Variants in RIPOR2 observed in about 807,000 individuals in gnomAD.
RIPOR2 encodes the protein RHO family interacting cell polarization regulator 2, also known as rho family-interacting cell polarization regulator 2.
A neutral mutation model predicts 114.5 loss-of-function variants in RIPOR2; 39 were observed. The observed-to-expected ratio is 0.34, with a 90% confidence interval of 0.26 to 0.44. RIPOR2 has a LOEUF of 0.44. RIPOR2 is among the 20% of genes least tolerant of loss of function. The pLI is 1.00. For synonymous variants in RIPOR2, 445 were observed against 484.4 expected, an observed-to-expected ratio of 0.92 and a Z score of 1.07; for missense variants, 1,007 against 1,255.1, an observed-to-expected ratio of 0.80 and a Z score of 2.99.
intron 1 of RIPOR2, among the ~76,000 whole-genome samples, chr6:24,913,673 C>T (rs1769844179): frequency 6.6e-6 from 1 of 152,216 alleles, no homozygotes; most frequent in Non-Finnish European, 1.5e-5. Flanking sequence ...CCTCTCCAAT[C>T]ACTGCTCCTG....
rs149302062 is a variant in RIPOR2, at chr6:24,991,282, C to T, written c.76+50569G>A. On this transcript the variant is annotated intron_variant, in intron 1 of 13. Coordinates refer to the RIPOR2 transcript ENST00000510784. ...GATTCAGATAATATTATTCTTTCAC[C>T]CTACTTGCTTTCTATCTTACATTAC... is the stretch of plus-strand genomic sequence containing the variant. Among the ~76,000 whole-genome samples the T allele has an allele frequency of 5.6e-3, 851 of 152,234 alleles. 4 individuals carry two copies. Among genetic ancestry groups the T allele is most frequent in the African/African-American group, 0.017 (722 of 41,530 alleles).
At chr6:24,976,912 G>A (rs1251941188) in intron 1 of RIPOR2, 2 of 1,600,550 alleles carry the variant, frequency 1.2e-6, no homozygotes, top group African/African-American at 1.3e-5. Flanking sequence ...AGGCCATGGA[G>A]CGCTTTGGGT....
At chr6:24,826,325 G>GTA (rs1225453134) in intron 18 of RIPOR2, among the ~76,000 whole-genome samples, 3 of 152,034 alleles carry the variant, frequency 2.0e-5, no homozygotes, top group Non-Finnish European at 4.4e-5. Context: ...TGAATAAAGA[G>GTA]TATACTCTAC....
intron 1 of RIPOR2, chr6:24,976,333 C>A: frequency 1.1e-6 from 1 of 906,188 alleles, no homozygotes; most frequent in Non-Finnish European, 1.7e-6. Flanking sequence ...TTAAAAATGA[C>A]TAAATTATTC....
intron 19 of RIPOR2, among the ~76,000 whole-genome samples, chr6:24,822,936 G>T (rs774827205): frequency 1.3e-5 from 2 of 152,184 alleles, no homozygotes; most frequent in Non-Finnish European, 2.9e-5. Flanking sequence ...CAAACAGAAG[G>T]CACATTATAA....
intron 15 of RIPOR2, among the ~76,000 whole-genome samples, chr6:24,833,805 AG>A (rs1470453410): frequency 2.0e-5 from 3 of 152,192 alleles, no homozygotes. Context: ...CCCCACAGAA[AG>A]GATGAATTGT....
intron 1 of RIPOR2, among the ~76,000 whole-genome samples, chr6:24,974,908 A>G (rs1581898884): frequency 6.6e-6 from 1 of 152,260 alleles, no homozygotes; most frequent in Non-Finnish European, 1.5e-5. Flanking sequence ...TACATATTGT[A>G]TGAGTTTATG....
chr6:24,883,112 G>A lies in RIPOR2; in HGVS notation c.62-7295C>T, dbSNP rs1381635014. Among the ~76,000 whole-genome samples the A allele has an allele frequency of 6.6e-6, 1 of 152,176 alleles. No individual in the cohort carries two copies. The highest frequency in any genetic ancestry group is 1.5e-5 in the Non-Finnish European group (1 of 68,020). ...ATGCTACTGTCTTAACCCTTATGGTGTTTTCCTTTTTTAAAAATTTAACCA... is the reference window on the plus strand; with the variant it reads ...ATGCTACTGTCTTAACCCTTATGGTATTTTCCTTTTTTAAAAATTTAACCA... On this transcript the variant is annotated intron_variant, in intron 1 of 21. Transcript: ENST00000643898. The surrounding 1 kb of genome is among the most constrained non-coding windows in gnomAD (Gnocchi z 4.1).
At chr6:24,809,855 A>G in intron 20 of RIPOR2, 48 bp from the exon 21 acceptor site, 1 of 1,219,240 alleles carries the variant, frequency 8.2e-7, no homozygotes, top group East Asian at 2.5e-5. Flanking sequence ...TTAGGTCTAG[A>G]GTACCACGAG....
intron 1 of RIPOR2, among the ~76,000 whole-genome samples, chr6:24,903,548 T>A (rs1768678307): frequency 2.0e-5 from 3 of 152,126 alleles, no homozygotes; most frequent in African/African-American, 7.2e-5. Context: ...TTACATAAAA[T>A]CTCTCCTTAA....
chr6:24,950,216 A>G (rs1358522025), intron 1 of RIPOR2, among the ~76,000 whole-genome samples: 1 of 152,214 alleles, frequency 6.6e-6, no homozygotes, highest in Non-Finnish European at 1.5e-5. Context: ...CAAAAGTAAT[A>G]TGGTATTGCT....
intron 1 of RIPOR2, among the ~76,000 whole-genome samples, chr6:24,962,564 T>C (rs1269120019): frequency 6.6e-6 from 1 of 152,206 alleles, no homozygotes; most frequent in African/African-American, 2.4e-5. Context: ...ATGCCATGGA[T>C]ATATCATCTT....
chr6:24,819,922 T>G (rs1759527138), intron 19 of RIPOR2, among the ~76,000 whole-genome samples: 1 of 152,184 alleles, frequency 6.6e-6, no homozygotes, highest in Non-Finnish European at 1.5e-5. Flanking sequence ...GAAACTTAAT[T>G]ACTCTTGAAG....
chr6:24,974,411 T>A (rs1238979690), intron 1 of RIPOR2, among the ~76,000 whole-genome samples: 1 of 141,230 alleles, frequency 7.1e-6, no homozygotes, highest in African/African-American at 3.0e-5. Flanking sequence ...CAATTGAAAT[T>A]ATAAAATATG....
At chr6:24,992,793 T>C (rs1223023512) in intron 1 of RIPOR2, among the ~76,000 whole-genome samples, 1 of 152,210 alleles carries the variant, frequency 6.6e-6, no homozygotes, top group Non-Finnish European at 1.5e-5. Flanking sequence ...GCTGGAGGCA[T>C]CACATTACTA....
chr6:25,024,472 C>T, intron 1 of RIPOR2: 1 of 860,096 alleles, frequency 1.2e-6, no homozygotes, highest in Non-Finnish European at 2.0e-6. Flanking sequence ...CTCATGGAGC[C>T]TTTGCTGGAC....
chr6:24,855,139 A>C (rs535191613), intron 8 of RIPOR2, among the ~76,000 whole-genome samples: 3 of 152,186 alleles, frequency 2.0e-5, no homozygotes, highest in African/African-American at 7.2e-5. Flanking sequence ...CAAACTGTTA[A>C]AAATAATTAT....
At chr6:24,895,188 G>A (rs1317148290) in intron 1 of RIPOR2, among the ~76,000 whole-genome samples, 2 of 152,120 alleles carry the variant, frequency 1.3e-5, no homozygotes, top group African/African-American at 2.4e-5. Context: ...AAGCAGCTGG[G>A]ATTACAGGCA....
intron 1 of RIPOR2, among the ~76,000 whole-genome samples, chr6:24,900,860 A>G (rs749306813): frequency 6.6e-6 from 1 of 151,648 alleles, no homozygotes; most frequent in African/African-American, 2.4e-5. Context: ...TTGTTGTGGT[A>G]GTTGTTGTTT....
Sources: gnomAD v4.1 joint callset for allele counts (sites outside exome capture counted in the v4.1 genomes callset) on GRCh38, gnomAD v4.1.1 for gene constraint, Gnocchi (gnomAD v3.1) non-coding constraint, MANE v1.5 for transcripts, NCBI Gene and HGNC (gene_info 2026-07-23, HGNC 2026-07-21) for gene names.